STAU2: variants seen among roughly 807,000 people sequenced by gnomAD.
STAU2 encodes the protein double-stranded RNA-binding protein Staufen homolog 2.
STAU2 carries 20 observed loss-of-function variants against 65.9 expected under a neutral mutation model. The observed-to-expected ratio is 0.30, with a 90% CI of 0.21 to 0.44. The LOEUF (loss-of-function observed/expected upper bound fraction) is 0.44, where lower values mean the gene tolerates loss of function less well. Among genes scored for constraint, STAU2 ranks in the 20% least tolerant of loss-of-function variants. The pLI is 1.00. For synonymous variants in STAU2, 232 were observed against 233.9 expected (o/e 0.99, Z 0.07); for missense variants, 558 against 683.9 (o/e 0.82, Z 2.05).
intron 7 of STAU2, among the ~76,000 whole-genome samples, chr8:73,616,840 T>C (rs58354395): frequency 0.19 from 29,314 of 151,814 alleles, 3,059 homozygotes; most frequent in East Asian, 0.37. Context: ...AGGACATGCC[T>C]GAGCTAGAGA....
intron 12 of STAU2, among the ~76,000 whole-genome samples, chr8:73,579,213 CA>C (rs1288826466): frequency 6.6e-6 from 1 of 152,194 alleles, no homozygotes; most frequent in Admixed American, 6.5e-5. Context: ...TCTCATTCCA[CA>C]AGTATTTGTC....
chr8:73,521,022 T>C (rs1252015835), intron 13 of STAU2, among the ~76,000 whole-genome samples: 1 of 152,142 alleles, frequency 6.6e-6, no homozygotes, highest in Non-Finnish European at 1.5e-5. Flanking sequence ...CTTAAGACCA[T>C]CTCGTACTGC....
At chr8:73,682,684 C>A (rs1226156916) in intron 5 of STAU2, among the ~76,000 whole-genome samples, 3 of 151,926 alleles carry the variant, frequency 2.0e-5, no homozygotes, top group African/African-American at 7.2e-5. Context: ...AAAGTTGGTT[C>A]TTTGAAAAGA....
At chr8:73,509,509 A>G (rs1386671161) in intron 13 of STAU2, among the ~76,000 whole-genome samples, 2 of 152,210 alleles carry the variant, frequency 1.3e-5, no homozygotes, top group Non-Finnish European at 2.9e-5. Flanking sequence ...AGTGGCTGCC[A>G]GGGGTGGGGA....
intron 11 of STAU2, among the ~76,000 whole-genome samples, chr8:73,591,903 A>G (rs1265467861): frequency 2.8e-5 from 4 of 142,352 alleles, no homozygotes; most frequent in African/African-American, 1.1e-4. Context: ...AAAAAAAAAA[A>G]AAAAAAAAAA....
chr8:73,531,703 A>G (rs1297407729), intron 13 of STAU2, among the ~76,000 whole-genome samples: 1 of 152,196 alleles, frequency 6.6e-6, no homozygotes, highest in Admixed American at 6.5e-5. Context: ...GCTTCTTATG[A>G]TTCAAAGCAT....
intron 6 of STAU2, among the ~76,000 whole-genome samples, chr8:73,624,811 C>G (rs1267901458): frequency 6.6e-6 from 1 of 152,212 alleles, no homozygotes; most frequent in African/African-American, 2.4e-5. Context: ...TGTATGAGAT[C>G]TGGCAGATTC....
At chr8:73,743,756 G>GA (rs1196353167) in intron 1 of STAU2, among the ~76,000 whole-genome samples, 1 of 147,276 alleles carries the variant, frequency 6.8e-6, no homozygotes, top group Non-Finnish European at 1.5e-5. Context: ...TTACAAGCAT[G>GA]AGCCACCATG....
chr8:73,483,749 A>T (rs776652274), intron 13 of STAU2, among the ~76,000 whole-genome samples: 4 of 152,172 alleles, frequency 2.6e-5, no homozygotes, highest in African/African-American at 4.8e-5. Context: ...TGAAATAATG[A>T]GCAGGAATTC....
intron 3 of STAU2, among the ~76,000 whole-genome samples, chr8:73,727,330 T>C (rs1216444048): frequency 6.6e-6 from 1 of 152,234 alleles, no homozygotes; most frequent in Non-Finnish European, 1.5e-5. Context: ...CAAAACACTG[T>C]TATGACCCCA....
At chr8:73,527,271 T>C (rs1003348583) in intron 13 of STAU2, 1 of 159,686 alleles carries the variant, frequency 6.3e-6, no homozygotes, top group Non-Finnish European at 1.4e-5. Context: ...TCTCACAACA[T>C]ATCCTTGTCA....
intron 12 of STAU2, among the ~76,000 whole-genome samples, chr8:73,582,100 C>T (rs770407107): frequency 3.9e-5 from 6 of 152,036 alleles, no homozygotes; most frequent in African/African-American, 1.4e-4. Flanking sequence ...AATGTCTAAA[C>T]GTCCAATGTA....
chr8:73,426,678 C>T (rs751504303), intron 13 of STAU2, among the ~76,000 whole-genome samples: 1 of 152,114 alleles, frequency 6.6e-6, no homozygotes, highest in East Asian at 1.9e-4. Flanking sequence ...CCATTGTATA[C>T]ATATACCATG....
chr8:73,467,159 A>G (rs1563609261), intron 13 of STAU2, among the ~76,000 whole-genome samples: 1 of 152,186 alleles, frequency 6.6e-6, no homozygotes, highest in Non-Finnish European at 1.5e-5. Flanking sequence ...CTCACTTTTT[A>G]ATCTTTGATT....
intron 5 of STAU2, among the ~76,000 whole-genome samples, chr8:73,674,542 G>A (rs1191498723): frequency 6.6e-6 from 1 of 151,766 alleles, no homozygotes; most frequent in Non-Finnish European, 1.5e-5. Flanking sequence ...CTAATCATAC[G>A]AAGAACAGTT....
rs142831475 is a variant in STAU2, at chr8:73,603,860, C to T, written c.895G>A (p.Gly299Arg). The T allele has an allele frequency of 4.2e-5, 67 of 1,582,574 alleles. No homozygotes were observed. The highest frequency in any genetic ancestry group is 3.7e-4 in the South Asian group (31 of 84,252). Residue 299 changes from glycine (G) to arginine (R), a missense_variant, in exon 10 of 15, where the codon GGA becomes AGA. Physicochemically the swap from Gly to Arg is moderately radical, Grantham distance 125 (BLOSUM62 -2). Around this residue, in one of 3 missense-constraint regions of STAU2, gnomAD observed 199 missense variants for 299.5 expected, o/e 0.66. Transcript: ENST00000524300. Reference protein sequence around the residue: ...KKRPKTIVKAGPEYGQGMNPI... With the variant: ...KKRPKTIVKARPEYGQGMNPI... ...TTCATCCCTTGGCCATATTCTGGTC[C>T]GGCCTAAAAATTAATTTAAGAAAAA...
intron 13 of STAU2, among the ~76,000 whole-genome samples, chr8:73,539,939 A>G (rs1362726697): frequency 6.6e-6 from 1 of 152,078 alleles, no homozygotes; most frequent in East Asian, 1.9e-4. Flanking sequence ...TCTAAAATGC[A>G]TGTAAATGAA....
chr8:73,446,405 A>G (rs1818468834), intron 13 of STAU2, among the ~76,000 whole-genome samples: 1 of 152,130 alleles, frequency 6.6e-6, no homozygotes, highest in Admixed American at 6.5e-5. Context: ...ATAAAATGGA[A>G]CAGAGCTGCA....
intron 12 of STAU2, among the ~76,000 whole-genome samples, chr8:73,569,155 G>T (rs972458619): frequency 2.0e-5 from 3 of 152,132 alleles, no homozygotes; most frequent in Non-Finnish European, 4.4e-5. Flanking sequence ...CACACCAAGA[G>T]ATTATATCCT....
Sources: gnomAD v4.1 joint callset for allele counts (sites outside exome capture counted in the v4.1 genomes callset) on GRCh38, gnomAD v4.1.1 for gene constraint, gnomAD v4.1.1 regional missense constraint, MANE v1.5 for transcripts, NCBI Gene and HGNC (gene_info 2026-07-23, HGNC 2026-07-21) for gene names.